Variants in FHIP1A observed in about 807,000 individuals in gnomAD.
The protein encoded by FHIP1A is FHF complex subunit HOOK-interacting protein 1A.
FHIP1A carries 61 observed loss-of-function variants against 88.6 expected under a neutral mutation model. The observed-to-expected ratio is 0.69, with a 90% CI of 0.56 to 0.85. The LOEUF (loss-of-function observed/expected upper bound fraction) is 0.85. Among genes scored for constraint, FHIP1A ranks in the 40% least tolerant of loss-of-function variants. FHIP1A has a pLI of 0.00. For missense variants in FHIP1A, 1,154 were observed against 1,273.5 expected, an observed-to-expected ratio of 0.91 and a Z score of 1.43; for synonymous variants, 478 against 496.0, an observed-to-expected ratio of 0.96 and a Z score of 0.48.
chr4:151,489,458 T>C (rs1476241361), intron 3 of FHIP1A, among the ~76,000 whole-genome samples: 1 of 151,848 alleles, frequency 6.6e-6, no homozygotes, highest in Non-Finnish European at 1.5e-5. Flanking sequence ...GAATGTAGGG[T>C]TGAGGAGTGA....
At position 151,635,549 on chromosome 4, in the gene FHIP1A, T is replaced by TA. The variant is rs556763378; in HGVS notation, c.1147-3120dup. On this transcript the variant is annotated intron_variant, in intron 8 of 13. Transcript: ENST00000435205. The stretch of plus-strand genomic sequence containing the variant: ...AATGGAATGGAATGTTATTCAACCT[T>TA]AAAAAAAAGAAGGAAATCTTGTCAT... Among the ~76,000 whole-genome samples, 66 of 151,644 alleles carry TA rather than the reference T, an allele frequency of 4.4e-4. 1 individual carries two copies. In the East Asian group the frequency reaches 9.1e-3, roughly 21 times the overall value.
intron 4 of FHIP1A, among the ~76,000 whole-genome samples, chr4:151,574,166 C>T (rs61653326): frequency 0.034 from 5,172 of 152,300 alleles, 301 homozygotes; most frequent in African/African-American, 0.12. Flanking sequence ...CTTTGCTGAG[C>T]CTTGTGTGTT....
intron 8 of FHIP1A, among the ~76,000 whole-genome samples, chr4:151,635,052 A>G (rs1736298646): frequency 6.6e-6 from 1 of 151,906 alleles, no homozygotes; most frequent in African/African-American, 2.4e-5. Flanking sequence ...CCACCAACCA[A>G]AAACCCAAAT....
chr4:151,442,344 AT>A (rs1306985082), intron 1 of FHIP1A, among the ~76,000 whole-genome samples: 1 of 152,110 alleles, frequency 6.6e-6, no homozygotes, highest in East Asian at 1.9e-4. Context: ...TTAAAAAAAA[AT>A]CAACAGAAAA....
At chr4:151,486,090 G>T (rs1016935401) in intron 3 of FHIP1A, among the ~76,000 whole-genome samples, 1 of 152,090 alleles carries the variant, frequency 6.6e-6, no homozygotes, top group Non-Finnish European at 1.5e-5. Flanking sequence ...TGCATTTCAC[G>T]ATAAGGTTTG....
At position 151,541,158 on chromosome 4, in the gene FHIP1A, A is replaced by G. The variant is rs181155722; in HGVS notation, c.-122-24980A>G. ...TTAGACCCTCTCTTGCATTAGTAAC[A>G]AAAAGACTAGAGATCATTGTTTATT... On this transcript the variant is annotated intron_variant, in intron 3 of 13. Transcript: ENST00000435205. 2.6e-5 allele frequency among the ~76,000 whole-genome samples: 4 copies of G among 152,352 alleles called. No homozygotes were observed. The East Asian group carries it at 7.7e-4, about 29-fold the overall frequency.
intron 5 of FHIP1A, among the ~76,000 whole-genome samples, chr4:151,578,385 C>G (rs1176160496): frequency 6.6e-6 from 1 of 152,142 alleles, no homozygotes; most frequent in Non-Finnish European, 1.5e-5. Flanking sequence ...ATTGGTAAAA[C>G]CTGTGCTTTC....
intron 3 of FHIP1A, among the ~76,000 whole-genome samples, chr4:151,549,081 G>T (rs754340777): frequency 1.3e-4 from 20 of 152,086 alleles, no homozygotes; most frequent in Non-Finnish European, 2.6e-4. Context: ...TTTTAAAGAG[G>T]GCAGGTGTAT....
At chr4:151,641,917 G>C (rs919988921) in intron 9 of FHIP1A, among the ~76,000 whole-genome samples, 2 of 152,210 alleles carry the variant, frequency 1.3e-5, no homozygotes, top group South Asian at 4.1e-4. Flanking sequence ...TGAAGATTAT[G>C]TGACTGCGTT....
At chr4:151,629,638 G>A (rs1736075449) in intron 7 of FHIP1A, 64 bp from the exon 8 acceptor site, 3 of 1,453,100 alleles carry the variant, frequency 2.1e-6, no homozygotes, top group Non-Finnish European at 2.8e-6. Context: ...GGGGGCCACG[G>A]GAGAGGCGTG....
At chr4:151,440,551 C>T (rs890885258) in intron 1 of FHIP1A, among the ~76,000 whole-genome samples, 2 of 152,114 alleles carry the variant, frequency 1.3e-5, no homozygotes, top group Non-Finnish European at 2.9e-5. Flanking sequence ...AGAGCAAACT[C>T]CTAGAGAAGT....
intron 1 of FHIP1A, among the ~76,000 whole-genome samples, chr4:151,447,604 G>T (rs114306959): frequency 0.017 from 2,561 of 152,060 alleles, 38 homozygotes; most frequent in Non-Finnish European, 0.023. Context: ...ACATTTTATG[G>T]GCTGAATTGT....
chr4:151,597,424 C>T (rs1185907362), intron 7 of FHIP1A, among the ~76,000 whole-genome samples: 3 of 152,122 alleles, frequency 2.0e-5, no homozygotes, highest in Admixed American at 2.0e-4. Flanking sequence ...GGGTCACCCG[C>T]CAGATGCCAG....
At chr4:151,567,576 T>G (rs1034329626) in intron 4 of FHIP1A, among the ~76,000 whole-genome samples, 1 of 152,118 alleles carries the variant, frequency 6.6e-6, no homozygotes, top group Admixed American at 6.6e-5. Context: ...ATTAGAGTAA[T>G]AACCTTTGGC....
At position 151,552,658 on chromosome 4, in the gene FHIP1A, C is replaced by T. The variant is rs1440382080; in HGVS notation, c.-122-13480C>T. On this transcript the variant is annotated intron_variant, in intron 3 of 13. Transcript: ENST00000435205. Reference sequence around the variant, plus strand: ...CTTGGACACAGGGTGGGGAACATCACACCCCGGGGCCTGTTGTCGGGTGGG... The same window carrying T: ...CTTGGACACAGGGTGGGGAACATCATACCCCGGGGCCTGTTGTCGGGTGGG... 2.0e-5 allele frequency among the ~76,000 whole-genome samples: 3 copies of T among 151,938 alleles called. No individual in the cohort carries two copies. The East Asian group carries it at 5.8e-4, about 29-fold the overall frequency.
intron 7 of FHIP1A, among the ~76,000 whole-genome samples, chr4:151,612,841 G>T (rs1735378069): frequency 6.6e-6 from 1 of 152,176 alleles, no homozygotes. Context: ...TAATGAATCT[G>T]CACATTCTCA....
At chr4:151,653,151 A>T (rs1177207672) in intron 11 of FHIP1A, among the ~76,000 whole-genome samples, 1 of 152,194 alleles carries the variant, frequency 6.6e-6, no homozygotes, top group Non-Finnish European at 1.5e-5. Flanking sequence ...AGGTGTACAT[A>T]CAGGGATGTT....
At chr4:151,590,835 A>C (rs1156300687) in intron 7 of FHIP1A, among the ~76,000 whole-genome samples, 2 of 152,222 alleles carry the variant, frequency 1.3e-5, no homozygotes, top group African/African-American at 2.4e-5. Context: ...TAAAGTTAAT[A>C]CATTTAAAGT....
At chr4:151,533,167 T>A (rs150537730) in intron 3 of FHIP1A, 5 of 152,032 alleles carry the variant, frequency 3.3e-5, no homozygotes, top group African/African-American at 1.2e-4. Flanking sequence ...GTTTAAGGAG[T>A]GTTTTTGGTG....
Sources: gnomAD v4.1 joint callset for allele counts (sites outside exome capture counted in the v4.1 genomes callset) on GRCh38, gnomAD v4.1.1 for gene constraint, MANE v1.5 for transcripts, NCBI Gene and HGNC (gene_info 2026-07-23, HGNC 2026-07-21) for gene names.